The following WDR36 variants were observed in gnomAD, a reference collection of about 807,000 sequenced individuals.
WDR36 encodes WD repeat domain 36, also known as WD repeat-containing protein 36.
WDR36 carries 63 observed loss-of-function variants against 112.7 expected under a neutral mutation model. The ratio of observed to expected loss-of-function variants is 0.56; its 90% CI spans 0.46 to 0.69. WDR36 has a LOEUF of 0.69. Among genes scored for constraint, WDR36 ranks in the 30% least tolerant of loss-of-function variants. The pLI, the probability that WDR36 is intolerant of heterozygous loss-of-function variation, is 0.00. For synonymous variants in WDR36, 410 were observed against 362.2 expected (o/e 1.13, Z -1.50); for missense variants, 1,226 against 1,070.3 (o/e 1.15, Z -2.03).
rs1384479982 is a variant in WDR36 at position 111,123,825 on chromosome 5, A to G, written c.2169A>G (p.Glu723=). 6.2e-7 allele frequency: 1 copy of G among 1,613,842 alleles called. No individual in the cohort carries two copies. Among genetic ancestry groups the G allele is most frequent in the Non-Finnish European group, 8.5e-7 (1 of 1,179,870 alleles). Residue 723 remains glutamate, a synonymous_variant, in exon 20 of 23, where the codon GAA becomes GAG. Coordinates refer to ENST00000513710, the MANE Select transcript of WDR36 (RefSeq NM_139281.3). Reference sequence around the variant, plus strand: ...ATCAGAAAAAGAATAAACCAAAGGAACCACCCAAAGTACCCAAATCAGCAC... The same window carrying G: ...ATCAGAAAAAGAATAAACCAAAGGAGCCACCCAAAGTACCCAAATCAGCAC... The part of the protein sequence containing the change: ...DVIKKKNKPK[E]PPKVPKSAPF...
chr5:111,126,712 A>T (rs1400283214), intron 22 of WDR36, 22 bp from the exon 23 acceptor site: 3 of 1,612,166 alleles, frequency 1.9e-6, no homozygotes, highest in Non-Finnish European at 2.5e-6. Context: ...TAAATGTTCA[A>T]TCATCATATT....
At chr5:111,117,642 G>A (rs1195590766) in intron 16 of WDR36, among the ~76,000 whole-genome samples, 2 of 152,150 alleles carry the variant, frequency 1.3e-5, no homozygotes, top group South Asian at 2.1e-4. Context: ...GGACTGATCC[G>A]CCTTAATAGG....
At chr5:111,097,938 G>C (rs768941092) in intron 3 of WDR36, among the ~76,000 whole-genome samples, 1 of 152,092 alleles carries the variant, frequency 6.6e-6, no homozygotes, top group East Asian at 1.9e-4. Flanking sequence ...TTTTAGAATT[G>C]GAAAAAATGT....
rs1452526595 is a variant in WDR36, at chr5:111,103,796, TG to T, written c.610del (p.Asp204MetfsTer23). On this transcript the variant is annotated frameshift_variant, in exon 7 of 23. Coordinates refer to ENST00000513710, the MANE Select transcript of WDR36 (RefSeq NM_139281.3). LOFTEE classifies it high-confidence loss of function. ...GVTALQQAPAVDVVAIGLMSG... is the reference protein window; with the variant it reads ...GVTALQQAPAXDVVAIGLMSG... Reference sequence around the variant, plus strand: ...TAATTTAATTTTTAGGCACCAGCCGTGGATGTTGTTGCTATTGGTCTTATGT... The same window carrying T: ...TAATTTAATTTTTAGGCACCAGCCGTGATGTTGTTGCTATTGGTCTTATGT... 6.2e-7 allele frequency: 1 copy of T among 1,610,928 alleles called. No homozygotes were observed. The highest frequency in any genetic ancestry group is 1.3e-5 in the African/African-American group (1 of 74,840).
chr5:111,127,385 C>T lies in WDR36; in HGVS notation c.*502C>T, dbSNP rs188780911. 1.8e-3 allele frequency: 355 copies of T among 199,920 alleles called. 1 individual carries two copies. Among genetic ancestry groups the T allele is most frequent in the Non-Finnish European group, 2.6e-3 (252 of 96,936 alleles). The allele number at this position is 199,920 out of a possible 1,614,324, so 12.4% of individuals were successfully genotyped here. ...TATTGCTGAATTAAATTGAAAATGT[C>T]AGATAAAACTGATACATGATGTAGT... On this transcript the variant is annotated 3_prime_UTR_variant, in exon 23 of 23. Transcript: ENST00000513710.
chr5:111,108,162 G>A (rs957470516), intron 12 of WDR36, among the ~76,000 whole-genome samples: 1 of 151,192 alleles, frequency 6.6e-6, no homozygotes, highest in African/African-American at 2.4e-5. Flanking sequence ...GTAGTTGTTT[G>A]TATATAAGTC....
At chr5:111,118,972 G>A (rs773012775) in intron 16 of WDR36, 41 bp from the exon 17 acceptor site, 22 of 1,503,490 alleles carry the variant, frequency 1.5e-5, no homozygotes, top group Non-Finnish European at 1.9e-5. Context: ...CTCCTTTTTG[G>A]TAGAGTTCAA....
intron 16 of WDR36, among the ~76,000 whole-genome samples, chr5:111,117,672 G>C (rs1323473213): frequency 6.6e-6 from 1 of 152,154 alleles, no homozygotes; most frequent in African/African-American, 2.4e-5. Flanking sequence ...GATTCGATTA[G>C]TTAGCACGCT....
chr5:111,128,245 T>C lies in WDR36; in HGVS notation c.*1362T>C, dbSNP rs913725991. ...CTCGTTCGTTGTTAGGGTAAGAGAG[T>C]TTTGTAGAATGATCTCCAAAAGAAG... is the stretch of plus-strand genomic sequence containing the variant. On this transcript the variant is annotated 3_prime_UTR_variant, in exon 23 of 23. Coordinates refer to ENST00000513710, the MANE Select transcript of WDR36 (RefSeq NM_139281.3). 3 of 188,774 alleles carry C rather than the reference T, an allele frequency of 1.6e-5. No homozygotes were observed. Among genetic ancestry groups the C allele is most frequent in the Admixed American group, 6.2e-5 (1 of 16,086 alleles). The allele number at this position is 188,774 out of a possible 1,614,324, so 11.7% of individuals were successfully genotyped here. A position where few individuals can be genotyped will look rare whatever the true frequency, so the allele number is the denominator to read the frequency against.
In WDR36 at chr5:111,097,059, C is replaced by G. The variant is rs372406600; in HGVS notation, c.191-20C>G. On this transcript the variant is annotated intron_variant, in intron 2 of 22. Transcript: ENST00000513710. ...ACATCTTAAAAATCCCTGTTTCTTT[C>G]ATTTTGTATTTTCTGCTAGGTAATT... 31 of 1,581,426 alleles carry G rather than the reference C, an allele frequency of 2.0e-5. No individual in the cohort carries two copies. The highest frequency in any genetic ancestry group is 2.6e-5 in the Non-Finnish European group (30 of 1,150,840).
At chr5:111,096,718 A>G (rs1024578482) in intron 2 of WDR36, among the ~76,000 whole-genome samples, 3 of 152,126 alleles carry the variant, frequency 2.0e-5, no homozygotes, top group Non-Finnish European at 4.4e-5. Flanking sequence ...AAAAAAGAAA[A>G]AAAAAAAGAT....
intron 12 of WDR36, among the ~76,000 whole-genome samples, chr5:111,108,809 C>G (rs773068181): frequency 6.6e-6 from 1 of 151,248 alleles, no homozygotes; most frequent in Non-Finnish European, 1.5e-5. Flanking sequence ...GAACCTAAGA[C>G]AATTCATTCT....
chr5:111,125,789 T>G lies in WDR36; in HGVS notation c.2532T>G (p.Phe844Leu), dbSNP rs1334793120. 1.2e-6 allele frequency: 2 copies of G among 1,613,648 alleles called. No individual in the cohort carries two copies. Among genetic ancestry groups the G allele is most frequent in the African/African-American group, 2.7e-5 (2 of 74,900 alleles). Residue 844 changes from phenylalanine to leucine, a missense_variant, in exon 22 of 23, where the codon TTT (phenylalanine) becomes TTG (leucine). Phe to Leu is a conservative substitution (Grantham distance 22). Coordinates refer to ENST00000513710, the MANE Select transcript of WDR36 (RefSeq NM_139281.3). ...FELAQAYLAL[F>L]LKLHLKMLPS... Reference sequence around the variant, plus strand: ...TAGCCCAGGCATACCTTGCATTGTTTCTAAAGGTAAGTCTAATGTAAGACA... The same window carrying G: ...TAGCCCAGGCATACCTTGCATTGTTGCTAAAGGTAAGTCTAATGTAAGACA...
Position 111,103,913 on chromosome 5 carries a change from G to A in WDR36, c.725G>A (p.Arg242His), listed in dbSNP as rs773683578. The A allele has an allele frequency of 4.2e-5, 67 of 1,610,522 alleles. No individual in the cohort carries two copies. The highest frequency in any genetic ancestry group is 1.8e-4 in the East Asian group (8 of 44,786). The change falls in exon 7 of 23, where the codon CGC (arginine) becomes CAC (histidine). Residue 242 changes from arginine (R) to histidine (H), a missense_variant. By Grantham distance (29) the Arg-to-His change is conservative. Transcript: ENST00000513710. The part of the protein sequence containing the change: ...DWGPITSISF[R>H]TDGHPVMAAG... ...GGACCCATTACTTCAATTTCATTTC[G>A]CACAGGTAACTTTTAACATACTTAT...
intron 11 of WDR36, 100 bp from the exon 12 acceptor site, chr5:111,107,194 C>G: frequency 7.3e-7 from 1 of 1,366,902 alleles, no homozygotes; most frequent in Non-Finnish European, 1.0e-6. Flanking sequence ...GTTTGTTTTA[C>G]CATTGTATCC....
In WDR36 at chr5:111,129,362, A is replaced by G. The variant is rs1181121842; in HGVS notation, c.*2479A>G. On this transcript the variant is annotated 3_prime_UTR_variant, in exon 23 of 23. Transcript: ENST00000513710. ...GTATCAAGTTACAGTTCCCCTGAGC[A>G]AGATATGAGCATCTGCTTCCCCATG... The G allele has an allele frequency of 5.2e-6, 1 of 192,998 alleles. No individual in the cohort carries two copies. The highest frequency in any genetic ancestry group is 1.1e-5 in the Non-Finnish European group (1 of 92,456). 12.0% of individuals were successfully genotyped at this position (192,998 alleles called of 1,614,324 possible). A position where few individuals can be genotyped will look rare whatever the true frequency, so the allele number is the denominator to read the frequency against.
At chr5:111,100,431 T>C (rs1486839222) in intron 4 of WDR36, among the ~76,000 whole-genome samples, 158 bp from the exon 5 acceptor site, 1 of 152,036 alleles carries the variant, frequency 6.6e-6, no homozygotes. Flanking sequence ...ATTTATTTTA[T>C]TTCTCAAGGA....
intron 19 of WDR36, among the ~76,000 whole-genome samples, chr5:111,121,548 T>G (rs1267354250): frequency 6.6e-6 from 1 of 152,142 alleles, no homozygotes; most frequent in African/African-American, 2.4e-5. Flanking sequence ...TTTATTAAGT[T>G]AACCCTTTAT....
At chr5:111,115,642 A>C (rs995834709) in intron 16 of WDR36, among the ~76,000 whole-genome samples, 2 of 152,206 alleles carry the variant, frequency 1.3e-5, no homozygotes, top group Admixed American at 6.5e-5. Context: ...CTTTCAATTA[A>C]ATAATTTGAA....
Sources: allele counts gnomAD v4.1 joint callset (sites outside exome capture counted in the v4.1 genomes callset), GRCh38; gene constraint gnomAD v4.1.1; transcripts MANE v1.5; gene names NCBI Gene and HGNC (gene_info 2026-07-23, HGNC 2026-07-21).